Variants in RANBP2 observed in about 807,000 individuals in gnomAD.
The protein encoded by RANBP2 is RAN binding protein 2.
In RANBP2, 57 loss-of-function variants were observed where a neutral mutation model predicts 303.6. The observed-to-expected ratio is 0.19, with a 90% CI of 0.15 to 0.23. RANBP2 has a LOEUF of 0.23. Among genes scored for constraint, RANBP2 ranks in the 10% least tolerant of loss-of-function variants. RANBP2 has a pLI of 1.00. For synonymous variants in RANBP2, 1,167 were observed against 1,301.5 expected, an observed-to-expected ratio of 0.90 and a Z score of 2.23; for missense variants, 3,138 against 3,780.8, an observed-to-expected ratio of 0.83 and a Z score of 4.46.
the RANBP2 span, among the ~76,000 whole-genome samples, chr2:108,821,465 C>T: frequency 2.0e-5 from 3 of 152,172 alleles, no homozygotes; most frequent in East Asian, 5.8e-4. Context: ...ATAGTTATAA[C>T]TTTAAGATGT....
the RANBP2 span, among the ~76,000 whole-genome samples, chr2:108,810,843 C>G: frequency 1.3e-5 from 2 of 152,192 alleles, no homozygotes; most frequent in Non-Finnish European, 2.9e-5. Context: ...AAACTTTTTA[C>G]TACAATTCAA....
the RANBP2 span, among the ~76,000 whole-genome samples, chr2:109,468,809 G>A: frequency 6.8e-5 from 10 of 147,362 alleles, no homozygotes; most frequent in Non-Finnish European, 1.3e-4. Context: ...AGCCAAGATC[G>A]CGGCAGTGCA....
chr2:109,145,490 T>G, the RANBP2 span, among the ~76,000 whole-genome samples: 3 of 152,184 alleles, frequency 2.0e-5, no homozygotes, highest in African/African-American at 7.2e-5. Context: ...CCGCCTCCTT[T>G]CTCATCTGTG....
chr2:109,679,696 A>G, the RANBP2 span, among the ~76,000 whole-genome samples: 30 of 152,278 alleles, frequency 2.0e-4, no homozygotes, highest in African/African-American at 3.8e-4. Flanking sequence ...CCTTGCTTAT[A>G]TAGCAATTCC....
the RANBP2 span, among the ~76,000 whole-genome samples, chr2:109,528,218 C>T: frequency 7.2e-5 from 11 of 152,210 alleles, no homozygotes; most frequent in African/African-American, 2.4e-4. Flanking sequence ...AGCTAAGTGG[C>T]ATGCAGGAGG....
chr2:108,928,022 A>G, the RANBP2 span, among the ~76,000 whole-genome samples: 1 of 152,038 alleles, frequency 6.6e-6, no homozygotes, highest in East Asian at 1.9e-4. Context: ...CCCTGCCCAC[A>G]GCATCCCTGG....
At chr2:109,717,261 T>G in the RANBP2 span, among the ~76,000 whole-genome samples, 1 of 48,600 alleles carries the variant, frequency 2.1e-5, no homozygotes, top group African/African-American at 6.8e-5. Context: ...AAATGAAAAT[T>G]AAAAACAAAC....
At chr2:108,910,644 C>T in the RANBP2 span, 1 of 1,401,106 alleles carries the variant, frequency 7.1e-7, no homozygotes, top group Admixed American at 1.8e-5. Context: ...GTCTGTGTGG[C>T]ACCACCCCAC....
chr2:109,490,029 T>C, the RANBP2 span, among the ~76,000 whole-genome samples: 4 of 152,190 alleles, frequency 2.6e-5, no homozygotes, highest in South Asian at 2.1e-4. Flanking sequence ...TGAGCCACCG[T>C]GCCCAGCCTG....
chr2:108,864,666 C>T, the RANBP2 span, among the ~76,000 whole-genome samples: 10,975 of 152,022 alleles, frequency 0.072, 510 homozygotes, highest in South Asian at 0.15. Context: ...TGGTGGCCCA[C>T]GCCTGTAGTC....
At chr2:109,178,357 T>G in the RANBP2 span, among the ~76,000 whole-genome samples, 4 of 152,362 alleles carry the variant, frequency 2.6e-5, no homozygotes, top group South Asian at 8.3e-4. Flanking sequence ...CTGCTTCTGC[T>G]AGAAATGATA....
At chr2:108,814,987 A>G in the RANBP2 span, among the ~76,000 whole-genome samples, 1 of 152,110 alleles carries the variant, frequency 6.6e-6, no homozygotes, top group Non-Finnish European at 1.5e-5. Flanking sequence ...TAAGGTGGAT[A>G]TGTGTAGTGG....
the RANBP2 span, among the ~76,000 whole-genome samples, chr2:109,143,809 TACACACAC>T: frequency 6.7e-5 from 10 of 148,824 alleles, no homozygotes; most frequent in East Asian, 1.2e-3. Context: ...CTGTGCTGTA[TACACACAC>T]ACACACACAC....
chr2:109,084,625 G>A, the RANBP2 span, among the ~76,000 whole-genome samples: 1 of 152,186 alleles, frequency 6.6e-6, no homozygotes, highest in Non-Finnish European at 1.5e-5. Context: ...CAAGTGGAGT[G>A]ACTCAGACTG....
At chr2:108,786,739 C>G, downstream of RANBP2, 2 of 1,295,572 alleles carry the variant, frequency 1.5e-6, no homozygotes, top group Non-Finnish European at 2.2e-6. Flanking sequence ...CGGGGTCTGG[C>G]ACGTCGTGAC....
chr2:109,403,819 A>G, the RANBP2 span, among the ~76,000 whole-genome samples: 1 of 152,282 alleles, frequency 6.6e-6, no homozygotes, highest in Non-Finnish European at 1.5e-5. Context: ...AACCTTGGGT[A>G]AGCTGCCTGA....
the RANBP2 span, among the ~76,000 whole-genome samples, chr2:109,591,727 G>A: frequency 6.6e-6 from 1 of 151,890 alleles, no homozygotes; most frequent in Non-Finnish European, 1.5e-5. Flanking sequence ...GCAAAACCCC[G>A]TCTCTAGTAA....
At chr2:108,728,569 G>T (rs1185204512) in intron 1 of RANBP2, among the ~76,000 whole-genome samples, 7 of 151,318 alleles carry the variant, frequency 4.6e-5, no homozygotes, top group African/African-American at 9.7e-5. Flanking sequence ...AGAATTAAAG[G>T]TGTGACCAAC....
the RANBP2 span, among the ~76,000 whole-genome samples, chr2:109,155,219 C>T: frequency 6.6e-6 from 1 of 152,208 alleles, no homozygotes; most frequent in Admixed American, 6.5e-5. Flanking sequence ...CATCCATGGG[C>T]ACCTTGCATC....
Sources: gnomAD v4.1 joint callset for allele counts (sites outside exome capture counted in the v4.1 genomes callset) on GRCh38, gnomAD v4.1.1 for gene constraint, MANE v1.5 for transcripts, NCBI Gene and HGNC (gene_info 2026-07-23, HGNC 2026-07-21) for gene names.